SYDE2: variants seen among roughly 807,000 people sequenced by gnomAD.
The protein encoded by SYDE2 is rho GTPase-activating protein SYDE2.
Under a neutral mutation model 91.5 loss-of-function variants are expected in SYDE2, and 76 were observed. The observed-to-expected ratio is 0.83, with a 90% CI of 0.69 to 1.01. SYDE2 has a LOEUF of 1.01. Ranked by LOEUF, SYDE2 falls within the 50% of genes least tolerant of loss-of-function variation. The pLI, the probability that SYDE2 is intolerant of heterozygous loss-of-function variation, is 0.00. For missense variants in SYDE2, 1,364 were observed against 1,367.7 expected (o/e 1.00, Z 0.04); for synonymous variants, 513 against 506.4 (o/e 1.01, Z -0.18).
chr1:85,200,791 G>T lies in SYDE2; in HGVS notation c.206C>A (p.Pro69Gln). The stretch of plus-strand genomic sequence containing the variant: ...AGGAGTCCGCAGCTGGCCTCCCCGC[G>T]GCTCCCTCTGAGGCGACCGGGGCGG... ...VSPPRSPQRE[P>Q]RGGQLRTPRM... is the part of the protein sequence containing the mutation. The change falls in exon 1 of 7, where the codon CCG becomes CAG. Residue 69 changes from proline to glutamine, a missense_variant. Transcript: ENST00000341460. 6.6e-7 allele frequency: 1 copy of T among 1,513,024 alleles called. No homozygotes were observed. The highest frequency in any genetic ancestry group is 8.8e-7 in the Non-Finnish European group (1 of 1,136,810). The allele number at this position is 1,513,024 out of a possible 1,614,324, so 93.7% of individuals were successfully genotyped here. A position where few individuals can be genotyped will look rare whatever the true frequency, so the allele number is the denominator to read the frequency against.
intron 6 of SYDE2, chr1:85,159,807 T>C: frequency 4.2e-6 from 4 of 960,508 alleles, no homozygotes; most frequent in Non-Finnish European, 5.0e-6. Context: ...AAATACTAGA[T>C]TTGACCACTT....
chr1:85,187,636 ACTG>A (rs1658200869), intron 2 of SYDE2, among the ~76,000 whole-genome samples: 1 of 151,222 alleles, frequency 6.6e-6, no homozygotes, highest in Non-Finnish European at 1.5e-5. Context: ...ACAATGATAG[ACTG>A]GATTAAGAAA....
chr1:85,190,702 C>T lies in SYDE2; in HGVS notation c.796G>A (p.Glu266Lys), dbSNP rs1165644136. The T allele has an allele frequency of 3.7e-6, 6 of 1,613,258 alleles. No homozygotes were observed. Among genetic ancestry groups the T allele is most frequent in the Non-Finnish European group, 4.2e-6 (5 of 1,179,686 alleles). ...CTGAATTCAATATTATCCTTCAGCT[C>T]TTCAAGTTCTCTTCCCTTCATTGAA... ...GSSMKGRELE[E>K]LKDNIEFRGH... The change falls in exon 2 of 7, where the codon GAG becomes AAG. Residue 266 changes from glutamate (E) to lysine (K), a missense_variant. Transcript: ENST00000341460.
chr1:85,177,017 C>T (rs769593057), intron 4 of SYDE2, among the ~76,000 whole-genome samples: 4 of 152,142 alleles, frequency 2.6e-5, no homozygotes, highest in African/African-American at 9.7e-5. Context: ...TTTCTTTTCT[C>T]ATATAATCTC....
intron 5 of SYDE2, 143 bp downstream of exon 5, chr1:85,168,901 G>A (rs1412057686): frequency 5.7e-6 from 4 of 702,322 alleles, no homozygotes; most frequent in Non-Finnish European, 9.8e-6. Context: ...TACAGACTTA[G>A]GCTGTTTAAA....
At chr1:85,189,405 C>T in intron 2 of SYDE2, among the ~76,000 whole-genome samples, 1 of 152,132 alleles carries the variant, frequency 6.6e-6, no homozygotes, top group Non-Finnish European at 1.5e-5. Context: ...GTGGCCAGGC[C>T]AGGTGTGAAT....
At position 85,182,661 on chromosome 1, in the gene SYDE2, C is replaced by G. The variant is rs1195489762; in HGVS notation, c.1981G>C (p.Asp661His). The G allele has an allele frequency of 6.2e-7, 1 of 1,613,750 alleles. No individual in the cohort carries two copies. Among genetic ancestry groups the G allele is most frequent in the Admixed American group, 1.7e-5 (1 of 59,994 alleles). Reference sequence around the variant, plus strand: ...GAAAAGCTATAATGCCTAAAAGCATCAATGTCTATTTCATTCTTGCTACAA... The same window carrying G: ...GAAAAGCTATAATGCCTAAAAGCATGAATGTCTATTTCATTCTTGCTACAA... ...NSCSKNEIDI[D>H]AFRHYSFSDQ... Residue 661 changes from aspartate (D) to histidine (H), a missense_variant, in exon 3 of 7, where the codon GAT (aspartate) becomes CAT (histidine). Asp to His is a moderately conservative substitution (Grantham distance 81). Transcript: ENST00000341460.
intron 6 of SYDE2, among the ~76,000 whole-genome samples, chr1:85,161,715 G>A: frequency 7.5e-6 from 1 of 133,312 alleles, no homozygotes. Flanking sequence ...GACACAGTGA[G>A]ACTCCATCTC....
intron 2 of SYDE2, among the ~76,000 whole-genome samples, chr1:85,185,822 A>G (rs1349190854): frequency 6.6e-6 from 1 of 152,076 alleles, no homozygotes; most frequent in African/African-American, 2.4e-5. Flanking sequence ...CCTGGCCAGA[A>G]CTTCCAACAC....
At position 85,182,084 on chromosome 1, in the gene SYDE2, T is replaced by C. The variant is rs374814009; in HGVS notation, c.2544+14A>G. On this transcript the variant is annotated intron_variant, in intron 3 of 6. Transcript: ENST00000341460. ...CAATAAAGGAAGTAGTAGGGAACCA[T>C]AGTAAGATAATACCTGACAGCCTCT... The C allele has an allele frequency of 1.2e-5, 19 of 1,562,696 alleles. No individual in the cohort carries two copies. Among genetic ancestry groups the C allele is most frequent in the African/African-American group, 2.8e-5 (2 of 72,708 alleles).
chr1:85,190,834 A>C, intron 1 of SYDE2, 82 bp from the exon 2 acceptor site: 1 of 1,239,022 alleles, frequency 8.1e-7, no homozygotes, highest in Non-Finnish European at 1.1e-6. Flanking sequence ...GTTATTTAAA[A>C]AAATTTTTTT....
At chr1:85,162,416 G>A (rs933730303) in intron 6 of SYDE2, among the ~76,000 whole-genome samples, 1 of 152,176 alleles carries the variant, frequency 6.6e-6, no homozygotes, top group Admixed American at 6.5e-5. Flanking sequence ...TCGTCTACTT[G>A]ATTTCTGCCT....
chr1:85,187,172 A>C (rs1014309828), intron 2 of SYDE2, among the ~76,000 whole-genome samples: 1 of 152,200 alleles, frequency 6.6e-6, no homozygotes, highest in Non-Finnish European at 1.5e-5. Flanking sequence ...TTTACAAGAA[A>C]AAAACAAACA....
At chr1:85,171,355 T>C (rs1657500373) in intron 4 of SYDE2, among the ~76,000 whole-genome samples, 1 of 152,098 alleles carries the variant, frequency 6.6e-6, no homozygotes, top group Non-Finnish European at 1.5e-5. Context: ...CAGTTGTGAC[T>C]AAGGAAGAAT....
intron 2 of SYDE2, among the ~76,000 whole-genome samples, chr1:85,187,249 A>G (rs1435985159): frequency 6.6e-6 from 1 of 152,210 alleles, no homozygotes; most frequent in African/African-American, 2.4e-5. Context: ...TATGCAGCCA[A>G]AAAACACATG....
At chr1:85,197,818 C>A (rs1013562934) in intron 1 of SYDE2, among the ~76,000 whole-genome samples, 1 of 152,004 alleles carries the variant, frequency 6.6e-6, no homozygotes, top group Non-Finnish European at 1.5e-5. Context: ...CCACGCCCGG[C>A]TAATTTTTTG....
Position 85,182,891 on chromosome 1 carries a change from G to T in SYDE2, c.1751C>A (p.Ala584Asp), listed in dbSNP as rs780373665. 2 of 1,613,606 alleles carry T rather than the reference G, an allele frequency of 1.2e-6. No homozygotes were observed. The highest frequency in any genetic ancestry group is 2.7e-5 in the African/African-American group (2 of 74,914). Reference sequence around the variant, plus strand: ...GTATCGGCTTATAACATTCCTCTTAGCAGCGGTGGTTGTGTTCCCAGAGGG... The same window carrying T: ...GTATCGGCTTATAACATTCCTCTTATCAGCGGTGGTTGTGTTCCCAGAGGG... ...ILPSGNTTTA[A>D]KRNVISRYHL... Residue 584 changes from alanine (A) to aspartate (D), a missense_variant, in exon 3 of 7, where the codon GCT becomes GAT. Coordinates refer to ENST00000341460, the MANE Select transcript of SYDE2 (RefSeq NM_032184.2).
rs1657171099 is a variant in SYDE2 at position 85,163,967 on chromosome 1, T to C, written c.3085+559A>G. Among the ~76,000 whole-genome samples the C allele has an allele frequency of 2.0e-5, 3 of 152,116 alleles. No individual in the cohort carries two copies. The South Asian group carries it at 6.2e-4, about 32-fold the overall frequency. ...GAAAGATGGAAAGGTCAAGGGTAAT[T>C]CCCAATTTAAGCTGAGATAATTTGA... is the stretch of plus-strand genomic sequence containing the variant. On this transcript the variant is annotated intron_variant, in intron 6 of 6. Coordinates refer to ENST00000341460, the MANE Select transcript of SYDE2 (RefSeq NM_032184.2).
intron 1 of SYDE2, among the ~76,000 whole-genome samples, chr1:85,198,266 CTGT>C (rs1330142147): frequency 1.3e-5 from 2 of 152,048 alleles, no homozygotes; most frequent in African/African-American, 4.8e-5. Flanking sequence ...TTTCTTGTAG[CTGT>C]TGTTAAATGA....
Sources: allele counts gnomAD v4.1 joint callset (sites outside exome capture counted in the v4.1 genomes callset), GRCh38; gene constraint gnomAD v4.1.1; transcripts MANE v1.5; gene names NCBI Gene and HGNC (gene_info 2026-07-23, HGNC 2026-07-21).